FAT4: variants seen among roughly 807,000 people sequenced by gnomAD.
FAT4 encodes the protein FAT atypical cadherin 4, also known as protocadherin Fat 4.
In FAT4, 84 loss-of-function variants were observed where a neutral mutation model predicts 303.9. The observed-to-expected ratio is 0.28, with a 90% CI of 0.23 to 0.33. FAT4 has a LOEUF of 0.33. Ranked by LOEUF, FAT4 falls within the 10% of genes least tolerant of loss-of-function variation. FAT4 has a pLI of 1.00. For missense variants in FAT4, 6,005 were observed against 6,146.8 expected, an observed-to-expected ratio of 0.98 and a Z score of 0.77; for synonymous variants, 2,307 against 2,298.8, an observed-to-expected ratio of 1.00 and a Z score of -0.10.
rs759477253 is a variant in FAT4 at position 125,452,170 on chromosome 4, C to T, written c.11160C>T (p.Gly3720=). 23 of 1,614,190 alleles carry T rather than the reference C, an allele frequency of 1.4e-5. No individual in the cohort carries two copies. In the East Asian group the frequency reaches 3.1e-4, roughly 22 times the overall value. Residue 3720 remains glycine (G), a synonymous_variant, in exon 10 of 18, where the codon GGC becomes GGT. Transcript: ENST00000394329. Reference sequence around the variant, plus strand: ...ATAACAGCATCTTACTTCGTCTCGGCGTACCAACAGTAAAGGACTTCTTGA... The same window carrying T: ...ATAACAGCATCTTACTTCGTCTCGGTGTACCAACAGTAAAGGACTTCTTGA... The part of the protein sequence containing the change: ...TVDNSILLRL[G]VPTVKDFLTN...
intron 2 of FAT4, among the ~76,000 whole-genome samples, chr4:125,366,856 T>C (rs972649713): frequency 2.6e-5 from 4 of 152,064 alleles, no homozygotes; most frequent in African/African-American, 9.7e-5. Context: ...ATCAGTGATA[T>C]TGAGCTTTTT....
chr4:125,462,867 C>G (rs1726528079), intron 10 of FAT4, among the ~76,000 whole-genome samples: 1 of 152,012 alleles, frequency 6.6e-6, no homozygotes, highest in Non-Finnish European at 1.5e-5. Context: ...CCTCCATTAT[C>G]ATGTCTGGCC....
intron 2 of FAT4, among the ~76,000 whole-genome samples, chr4:125,354,490 C>T (rs928258359): frequency 4.6e-5 from 7 of 151,672 alleles, no homozygotes; most frequent in African/African-American, 1.7e-4. Flanking sequence ...TGAACACGCT[C>T]TCACTCTGAT....
intron 9 of FAT4, among the ~76,000 whole-genome samples, chr4:125,447,754 T>G (rs572712305): frequency 6.6e-6 from 1 of 152,284 alleles, no homozygotes; most frequent in Non-Finnish European, 1.5e-5. Context: ...ACAATCTGTT[T>G]CATTGGCACT....
chr4:125,331,547 A>C (rs1267460425), intron 2 of FAT4, among the ~76,000 whole-genome samples: 1 of 152,202 alleles, frequency 6.6e-6, no homozygotes, highest in African/African-American at 2.4e-5. Context: ...GGAAAGTGGG[A>C]CCACTAATGC....
chr4:125,459,226 T>A (rs1726398877), intron 10 of FAT4, among the ~76,000 whole-genome samples: 2 of 151,866 alleles, frequency 1.3e-5, no homozygotes, highest in African/African-American at 4.8e-5. Context: ...CTTCATGGAG[T>A]GGTCCAATTT....
chr4:125,399,509 G>C (rs1734304336), intron 3 of FAT4, among the ~76,000 whole-genome samples: 1 of 151,830 alleles, frequency 6.6e-6, no homozygotes, highest in South Asian at 2.1e-4. Flanking sequence ...TAACTTTCCA[G>C]ACACCAGTAT....
chr4:125,315,318 A>AC lies in FAT4; in HGVS notation c.-666dup, dbSNP rs947982203. 6.6e-6 allele frequency among the ~76,000 whole-genome samples: 1 copy of AC among 150,820 alleles called. No homozygotes were observed. The highest frequency in any genetic ancestry group is 1.5e-5 in the Non-Finnish European group (1 of 67,716). On this transcript the variant is annotated 5_prime_UTR_variant, in exon 1 of 18. The change abolishes the stop of an existing upstream ORF in the 5' untranslated region. Coordinates refer to ENST00000394329, the MANE Select transcript of FAT4 (RefSeq NM_001291303.3). ...TGTGAAGGAGAGAGAGGCATCAACC[A>AC]CCCCCCGCCCCAAACAAAAAGCCTT...
Position 125,434,450 on chromosome 4 carries a change from T to G in FAT4, c.7199+25T>G, listed in dbSNP as rs775658506. On this transcript the variant is annotated intron_variant, in intron 8 of 17. Coordinates refer to ENST00000394329, the MANE Select transcript of FAT4 (RefSeq NM_001291303.3). Reference sequence around the variant, plus strand: ...GGTCAGTACATTTTCCTTTGTAAAGTTTGTCTGTTTTCTCATTAAACATTA... The same window carrying G: ...GGTCAGTACATTTTCCTTTGTAAAGGTTGTCTGTTTTCTCATTAAACATTA... The G allele has an allele frequency of 5.0e-6, 8 of 1,604,178 alleles. No individual in the cohort carries two copies. The Admixed American group carries it at 5.1e-5, about 10-fold the overall frequency.
chr4:125,434,516 C>G, intron 8 of FAT4, 91 bp downstream of exon 8: 3 of 1,135,932 alleles, frequency 2.6e-6, no homozygotes, highest in Non-Finnish European at 3.9e-6. Context: ...TTTAAATGAA[C>G]GTCATATTAA....
intron 10 of FAT4, among the ~76,000 whole-genome samples, chr4:125,458,426 T>G (rs1035486349): frequency 3.9e-5 from 6 of 152,068 alleles, no homozygotes; most frequent in South Asian, 2.1e-4. Context: ...TGTATTGGTG[T>G]TGTTGATGAT....
At chr4:125,489,204 T>C (rs1305970821) in intron 17 of FAT4, among the ~76,000 whole-genome samples, 4 of 152,230 alleles carry the variant, frequency 2.6e-5, no homozygotes, top group African/African-American at 9.6e-5. Flanking sequence ...TGTTGGGCCC[T>C]GAGATAGGAA....
rs575764910 is a variant in FAT4, at chr4:125,346,976, GTGGTAAGAGAAA to G, written c.5175+25392_5175+25403del. Among the ~76,000 whole-genome samples the G allele has an allele frequency of 1.8e-3, 272 of 152,050 alleles. 1 individual carries two copies. The highest frequency in any genetic ancestry group is 0.01 in the Middle Eastern group (3 of 294). On this transcript the variant is annotated intron_variant, in intron 2 of 17. Transcript: ENST00000394329. ...CTCTCCTTTAAATAAGGGCTATACT[GTGGTAAGAGAAA>G]TATTTAAGATATAATTCAGTGACTC...
intron 16 of FAT4, among the ~76,000 whole-genome samples, chr4:125,486,771 CT>C (rs2126092103): frequency 6.6e-6 from 1 of 152,248 alleles, no homozygotes; most frequent in East Asian, 1.9e-4. Context: ...AGAATTCACT[CT>C]TTGTTCATCA....
chr4:125,435,905 T>G (rs1725434198), intron 8 of FAT4, among the ~76,000 whole-genome samples: 1 of 152,122 alleles, frequency 6.6e-6, no homozygotes, highest in Non-Finnish European at 1.5e-5. Flanking sequence ...ATTTAGGCAC[T>G]AATTAATATA....
At position 125,434,352 on chromosome 4, in the gene FAT4, G is replaced by T; in HGVS notation, c.7126G>T (p.Asp2376Tyr). ...AGCGTATTTCACAACAATTCCTGAG[G>T]ATGCACCAACTGGAACAGATGTTTT... ...SKAYFTTIPE[D>Y]APTGTDVLLV... Residue 2376 changes from aspartate (D) to tyrosine (Y), a missense_variant, in exon 8 of 18, where the codon GAT becomes TAT. Coordinates refer to ENST00000394329, the MANE Select transcript of FAT4 (RefSeq NM_001291303.3). The T allele has an allele frequency of 6.2e-7, 1 of 1,614,028 alleles. No individual in the cohort carries two copies. The highest frequency in any genetic ancestry group is 8.5e-7 in the Non-Finnish European group (1 of 1,179,960).
chr4:125,463,395 T>G, intron 10 of FAT4, among the ~76,000 whole-genome samples, 168 bp from the exon 11 acceptor site: 1 of 152,164 alleles, frequency 6.6e-6, no homozygotes, highest in East Asian at 1.9e-4. Context: ...TAAACAAGAT[T>G]TTAAATTCTA....
chr4:125,453,988 T>G (rs1306766496), intron 10 of FAT4, among the ~76,000 whole-genome samples: 2 of 152,194 alleles, frequency 1.3e-5, no homozygotes, highest in African/African-American at 4.8e-5. Flanking sequence ...CCTTCAAATG[T>G]GAATAAATGT....
intron 3 of FAT4, among the ~76,000 whole-genome samples, chr4:125,405,155 T>TTGGG (rs2126017907): frequency 6.6e-6 from 1 of 152,286 alleles, no homozygotes; most frequent in South Asian, 2.1e-4. Flanking sequence ...GATTTTGGAT[T>TTGGG]AGTTTTGATT....
Sources: allele counts gnomAD v4.1 joint callset (sites outside exome capture counted in the v4.1 genomes callset), GRCh38; gene constraint gnomAD v4.1.1; transcripts MANE v1.5; gene names NCBI Gene and HGNC (gene_info 2026-07-23, HGNC 2026-07-21).